Variants in EPSTI1 observed in about 807,000 individuals in gnomAD.
The protein encoded by EPSTI1 is epithelial-stromal interaction protein 1.
EPSTI1 carries 66 observed loss-of-function variants against 49.9 expected under a neutral mutation model. That is an observed-to-expected ratio of 1.32 (90% CI 1.08 to 1.62). The LOEUF is 1.62. EPSTI1 is among the 40% of genes most tolerant of loss of function. The pLI, the probability that EPSTI1 is intolerant of heterozygous loss-of-function variation, is 0.00. For synonymous variants in EPSTI1, 137 were observed against 130.7 expected, an observed-to-expected ratio of 1.05 and a Z score of -0.33; for missense variants, 394 against 365.5, an observed-to-expected ratio of 1.08 and a Z score of -0.64.
chr13:42,980,021 TCTTTC>T (rs1484660482), intron 1 of EPSTI1, among the ~76,000 whole-genome samples: 11 of 152,180 alleles, frequency 7.2e-5, no homozygotes, highest in Non-Finnish European at 1.2e-4. Flanking sequence ...TTTTTTTCTT[TCTTTC>T]ATGACTGACA....
intron 6 of EPSTI1, among the ~76,000 whole-genome samples, chr13:42,948,411 C>T (rs569350948): frequency 1.4e-5 from 2 of 148,034 alleles, no homozygotes; most frequent in African/African-American, 5.0e-5. Context: ...GCAGGAACTC[C>T]AGAGTGGCTT....
At chr13:42,978,255 T>A (rs2153434953) in intron 1 of EPSTI1, among the ~76,000 whole-genome samples, 1 of 152,144 alleles carries the variant, frequency 6.6e-6, no homozygotes, top group African/African-American at 2.4e-5. Context: ...AGAGTACAGT[T>A]TGGTTTTAGA....
chr13:42,991,557 T>C (rs2040194385), intron 1 of EPSTI1, among the ~76,000 whole-genome samples: 1 of 152,238 alleles, frequency 6.6e-6, no homozygotes, highest in South Asian at 2.1e-4. Context: ...AGTGCTGGGA[T>C]AACAGGCTTG....
chr13:42,958,381 T>C (rs1164955700), intron 5 of EPSTI1, among the ~76,000 whole-genome samples: 4 of 152,002 alleles, frequency 2.6e-5, no homozygotes, highest in Non-Finnish European at 5.9e-5. Context: ...GACCACTATA[T>C]GGAAAATTTG....
intron 8 of EPSTI1, among the ~76,000 whole-genome samples, chr13:42,904,377 A>C (rs917391683): frequency 3.3e-5 from 5 of 152,240 alleles, no homozygotes; most frequent in African/African-American, 1.2e-4. Flanking sequence ...AATCAAAGAA[A>C]TATTAAAACG....
chr13:42,979,048 G>A (rs1000096752), intron 1 of EPSTI1, among the ~76,000 whole-genome samples: 1 of 152,054 alleles, frequency 6.6e-6, no homozygotes, highest in Non-Finnish European at 1.5e-5. Flanking sequence ...TTAAAAATTA[G>A]TACATATTTT....
intron 5 of EPSTI1, among the ~76,000 whole-genome samples, chr13:42,962,818 T>G (rs2039494812): frequency 6.6e-6 from 1 of 152,042 alleles, no homozygotes; most frequent in Non-Finnish European, 1.5e-5. Flanking sequence ...CCACAAACAT[T>G]TATGAATAGC....
intron 10 of EPSTI1, chr13:42,889,067 A>C (rs1165401663): frequency 2.8e-6 from 2 of 704,934 alleles, no homozygotes; most frequent in East Asian, 2.7e-5. Flanking sequence ...TGAGAAATTA[A>C]AATCTCAGGT....
intron 5 of EPSTI1, among the ~76,000 whole-genome samples, chr13:42,955,323 G>A (rs1343429546): frequency 6.6e-6 from 1 of 152,152 alleles, no homozygotes; most frequent in African/African-American, 2.4e-5. Context: ...CAAGCGAGCA[G>A]TAAGTGTTGA....
chr13:42,940,560 G>A (rs886604680), intron 6 of EPSTI1, among the ~76,000 whole-genome samples: 3 of 152,156 alleles, frequency 2.0e-5, no homozygotes, highest in African/African-American at 7.2e-5. Context: ...GTGCTTATCA[G>A]TCTAGAGGAT....
chr13:42,968,203 G>C (rs2039670188), intron 3 of EPSTI1, among the ~76,000 whole-genome samples: 1 of 152,110 alleles, frequency 6.6e-6, no homozygotes, highest in African/African-American at 2.4e-5. Flanking sequence ...TGGCTCATTT[G>C]CACAAAGGAG....
At chr13:42,970,093 A>C (rs2039730176) in intron 2 of EPSTI1, 1 of 152,196 alleles carries the variant, frequency 6.6e-6, no homozygotes, top group Admixed American at 6.5e-5. Flanking sequence ...ATGAAGTTAA[A>C]TTTCCTACCA....
rs549670307 is a variant in EPSTI1, at chr13:42,924,760, G to A, written c.657+1576C>T. Among the ~76,000 whole-genome samples the A allele has an allele frequency of 5.3e-5, 8 of 152,258 alleles. No individual in the cohort carries two copies. In the South Asian group the frequency reaches 1.0e-3, roughly 20 times the overall value. On this transcript the variant is annotated intron_variant, in intron 7 of 10. Coordinates refer to ENST00000313624, the MANE Select transcript of EPSTI1 (RefSeq NM_033255.5). The stretch of plus-strand genomic sequence containing the variant: ...TGTAGGGCCCACACTGATGAATTTA[G>A]ACTTTAGAACATCACATTAGAAGCA...
chr13:42,894,954 ATT>A, intron 10 of EPSTI1, 53 bp downstream of exon 10: 5 of 1,457,626 alleles, frequency 3.4e-6, no homozygotes, highest in Non-Finnish European at 4.7e-6. Flanking sequence ...AAAAATTCTC[ATT>A]GTTTTTATTC....
At chr13:42,963,157 A>G (rs1301529718) in intron 5 of EPSTI1, 98 bp downstream of exon 5, 2 of 922,712 alleles carry the variant, frequency 2.2e-6, no homozygotes, top group Admixed American at 2.4e-5. Context: ...GAGAGAGAGA[A>G]AGATGGATAA....
At chr13:42,940,675 G>A (rs945915777) in intron 6 of EPSTI1, among the ~76,000 whole-genome samples, 12 of 152,188 alleles carry the variant, frequency 7.9e-5, no homozygotes, top group African/African-American at 2.9e-4. Flanking sequence ...CCTGGCTCAA[G>A]TGATCCACCT....
At chr13:42,949,920 T>G (rs1358554696) in intron 6 of EPSTI1, among the ~76,000 whole-genome samples, 4 of 152,196 alleles carry the variant, frequency 2.6e-5, no homozygotes, top group African/African-American at 9.6e-5. Flanking sequence ...CCCAATGTTT[T>G]AAACAACCTA....
chr13:42,953,594 C>G (rs971264598), intron 6 of EPSTI1, among the ~76,000 whole-genome samples: 2 of 152,198 alleles, frequency 1.3e-5, no homozygotes, highest in Non-Finnish European at 2.9e-5. Flanking sequence ...AGATAAATCC[C>G]TGGTCAGTTT....
At chr13:42,916,389 T>C (rs1272915467) in intron 8 of EPSTI1, among the ~76,000 whole-genome samples, 1 of 152,116 alleles carries the variant, frequency 6.6e-6, no homozygotes, top group Non-Finnish European at 1.5e-5. Flanking sequence ...AATGACAACC[T>C]ATGGTGCCCA....
Sources: gnomAD v4.1 joint callset for allele counts (sites outside exome capture counted in the v4.1 genomes callset) on GRCh38, gnomAD v4.1.1 for gene constraint, MANE v1.5 for transcripts, NCBI Gene and HGNC (gene_info 2026-07-23, HGNC 2026-07-21) for gene names.